The following GLCCI1 variants were observed in gnomAD, a reference collection of about 807,000 sequenced individuals.
GLCCI1 encodes the protein glucocorticoid induced 1, also known as glucocorticoid-induced transcript 1 protein.
A neutral mutation model predicts 52.2 loss-of-function variants in GLCCI1; 24 were observed. That is an observed-to-expected ratio of 0.46 (90% CI 0.33 to 0.65). The LOEUF (loss-of-function observed/expected upper bound fraction) is 0.65, where lower values mean the gene tolerates loss of function less well. Among genes scored for constraint, GLCCI1 ranks in the 30% least tolerant of loss-of-function variants. The probability of loss-of-function intolerance (pLI) is 0.02; values close to 1 mark genes in which losing one functional copy is unlikely to be tolerated. For missense variants in GLCCI1, 704 were observed against 701.5 expected, an observed-to-expected ratio of 1.00 and a Z score of -0.04; for synonymous variants, 310 against 276.5, an observed-to-expected ratio of 1.12 and a Z score of -1.20.
At chr7:8,022,684 A>AG in intron 3 of GLCCI1, 115 bp downstream of exon 3, 1 of 445,508 alleles carries the variant, frequency 2.2e-6, no homozygotes, top group Non-Finnish European at 3.8e-6. Context: ...TCTTTCAGTA[A>AG]GGTTAGGACA....
At position 8,086,186 on chromosome 7, in the gene GLCCI1, G is replaced by C. The variant is rs1350537875; in HGVS notation, c.1299-7G>C. 6.3e-7 allele frequency: 1 copy of C among 1,598,258 alleles called. No individual in the cohort carries two copies. The highest frequency in any genetic ancestry group is 8.5e-7 in the Non-Finnish European group (1 of 1,174,208). On this transcript the variant is annotated splice_polypyrimidine_tract_variant and splice_region_variant and intron_variant, in intron 7 of 7. Transcript: ENST00000223145. This position sits in a 1 kb window ranked among gnomAD's most constrained non-coding sequence, Gnocchi z 4.4. Reference sequence around the variant, plus strand: ...ATTATAAATCTAATTTTGTTTTATGGTTTTAGGTCTCGTCAGCCTATCTCG... The same window carrying C: ...ATTATAAATCTAATTTTGTTTTATGCTTTTAGGTCTCGTCAGCCTATCTCG...
At chr7:8,057,836 T>C (rs1242224603) in intron 4 of GLCCI1, among the ~76,000 whole-genome samples, 1 of 152,124 alleles carries the variant, frequency 6.6e-6, no homozygotes, top group African/African-American at 2.4e-5. Context: ...GCTTACACAA[T>C]TGTTCAAATT....
intron 5 of GLCCI1, among the ~76,000 whole-genome samples, chr7:8,064,643 A>C (rs1281042905): frequency 6.6e-6 from 1 of 152,170 alleles, no homozygotes; most frequent in African/African-American, 2.4e-5. Context: ...GAGGAACATC[A>C]TTGGAAGTTT....
At chr7:8,084,330 A>G (rs1334199640) in intron 6 of GLCCI1, among the ~76,000 whole-genome samples, 7 of 152,236 alleles carry the variant, frequency 4.6e-5, no homozygotes, top group Non-Finnish European at 1.0e-4. Context: ...TATTATAAAC[A>G]TTTTAAAGGT....
chr7:8,061,580 TAA>T (rs1233051374), intron 5 of GLCCI1, among the ~76,000 whole-genome samples: 1 of 151,976 alleles, frequency 6.6e-6, no homozygotes. Context: ...CATTTCATGT[TAA>T]GTTTATAATT....
chr7:8,005,154 G>A (rs1781122734), intron 2 of GLCCI1, among the ~76,000 whole-genome samples: 1 of 152,112 alleles, frequency 6.6e-6, no homozygotes, highest in Admixed American at 6.6e-5. Flanking sequence ...TGTGGGCCTG[G>A]ACAGTTAGAG....
Position 8,021,027 on chromosome 7 carries a change from C to CT in GLCCI1, c.610-1455dup, listed in dbSNP as rs369926649. On this transcript the variant is annotated intron_variant, in intron 2 of 7. Coordinates refer to ENST00000223145, the MANE Select transcript of GLCCI1 (RefSeq NM_138426.4). ...TGCTGATTGAATAAAGTATTTTACT[C>CT]TGTCAATTGACTTAAAAACTTCTTT... Among the ~76,000 whole-genome samples, 72 of 152,286 alleles carry CT rather than the reference C, an allele frequency of 4.7e-4. 1 individual carries two copies. Among genetic ancestry groups the CT allele is most frequent in the African/African-American group, 1.7e-3 (70 of 41,582 alleles).
chr7:7,990,713 G>A (rs1780823465), intron 1 of GLCCI1, among the ~76,000 whole-genome samples: 1 of 152,004 alleles, frequency 6.6e-6, no homozygotes, highest in African/African-American at 2.4e-5. Flanking sequence ...TGGCCTTTCC[G>A]ACTTTATGAA....
chr7:8,060,588 G>C (rs1031553629), intron 5 of GLCCI1, among the ~76,000 whole-genome samples: 1 of 152,154 alleles, frequency 6.6e-6, no homozygotes, highest in Non-Finnish European at 1.5e-5. Flanking sequence ...CATACAACGT[G>C]GCCTTCTTAA....
intron 5 of GLCCI1, chr7:8,070,693 T>C (rs1782742260): frequency 6.3e-6 from 3 of 478,194 alleles, no homozygotes; most frequent in Non-Finnish European, 1.1e-5. Flanking sequence ...GTACATACAG[T>C]GAGCTATGGA....
At position 7,969,308 on chromosome 7, in the gene GLCCI1, G is replaced by C. The variant is rs1780283838; in HGVS notation, c.-43G>C. 2.3e-6 allele frequency: 3 copies of C among 1,305,864 alleles called. No homozygotes were observed. The highest frequency in any genetic ancestry group is 3.0e-6 in the Non-Finnish European group (3 of 1,012,738). The allele number at this position is 1,305,864 out of a possible 1,614,324, so 80.9% of individuals were successfully genotyped here. A position where few individuals can be genotyped will look rare whatever the true frequency, so the allele number is the denominator to read the frequency against. The stretch of plus-strand genomic sequence containing the variant: ...CACGCTCGCGCGCCTCCCGCCCCGC[G>C]CCTCCGTGTCGGCCGGCGGCGTCCA... On this transcript the variant is annotated 5_prime_UTR_variant, in exon 1 of 8. Transcript: ENST00000223145. This position sits in a 1 kb window ranked among gnomAD's most constrained non-coding sequence, Gnocchi z 4.9.
In GLCCI1 at chr7:7,981,264, TTTTC is replaced by T. The variant is rs528707062; in HGVS notation, c.457+11475_457+11478del. The T allele has an allele frequency of 2.3e-3, 567 of 246,528 alleles. 3 individuals are homozygous for T. The highest frequency in any genetic ancestry group is 8.4e-3 in the African/African-American group (351 of 41,604). 15.3% of individuals were successfully genotyped at this position (246,528 alleles called of 1,614,324 possible). The stretch of plus-strand genomic sequence containing the variant: ...TTTCTTTCTTTCTTTCTTTCTCTTT[TTTTC>T]TTTCTTTCTTTCTTTCTCTCTCCCT... On this transcript the variant is annotated intron_variant, in intron 1 of 7. Coordinates refer to ENST00000223145, the MANE Select transcript of GLCCI1 (RefSeq NM_138426.4).
chr7:8,043,254 A>T (rs1236717065), intron 3 of GLCCI1, among the ~76,000 whole-genome samples: 1 of 151,592 alleles, frequency 6.6e-6, no homozygotes, highest in East Asian at 1.9e-4. Context: ...TCATTGCTAT[A>T]TTTTTTATTT....
At chr7:8,055,106 ATAT>A (rs1174366156) in intron 3 of GLCCI1, among the ~76,000 whole-genome samples, 3 of 152,160 alleles carry the variant, frequency 2.0e-5, no homozygotes, top group Admixed American at 1.3e-4. Flanking sequence ...GGCATTTGAA[ATAT>A]TATTTTTCAT....
At chr7:8,050,314 TAAAGAA>T (rs2127957448) in intron 3 of GLCCI1, among the ~76,000 whole-genome samples, 2 of 152,282 alleles carry the variant, frequency 1.3e-5, no homozygotes, top group East Asian at 3.9e-4. Context: ...ACTGACACTT[TAAAGAA>T]AAACAGGAAA....
chr7:8,000,965 A>G (rs1450746904), intron 1 of GLCCI1, among the ~76,000 whole-genome samples: 1 of 152,164 alleles, frequency 6.6e-6, no homozygotes, highest in Non-Finnish European at 1.5e-5. Context: ...TGAATACAGC[A>G]CACTAATGGG....
rs201667698 is a variant in GLCCI1, at chr7:7,985,771, C to T, written c.457+15964C>T. Among the ~76,000 whole-genome samples, 3 of 152,144 alleles carry T rather than the reference C, an allele frequency of 2.0e-5. No individual in the cohort carries two copies. The East Asian group carries it at 5.8e-4, about 29-fold the overall frequency. The stretch of plus-strand genomic sequence containing the variant: ...TAGATATAAATCCTTTCTTCTGAAT[C>T]ATATAATATAGTTTTAGAATGGCAA... On this transcript the variant is annotated intron_variant, in intron 1 of 7. Transcript: ENST00000223145.
At chr7:7,990,865 G>C (rs557120090) in intron 1 of GLCCI1, among the ~76,000 whole-genome samples, 2 of 152,038 alleles carry the variant, frequency 1.3e-5, no homozygotes, top group South Asian at 4.1e-4. Context: ...GTTTATTCTG[G>C]GTTTACTCTA....
In GLCCI1 at chr7:8,070,953, A is replaced by G. The variant is rs2127964568; in HGVS notation, c.999A>G (p.Pro333=). 6.2e-7 allele frequency: 1 copy of G among 1,614,152 alleles called. No individual in the cohort carries two copies. The highest frequency in any genetic ancestry group is 2.2e-5 in the East Asian group (1 of 44,880). The change falls in exon 6 of 8, where the codon CCA becomes CCG. Residue 333 remains proline (P), a synonymous_variant. Transcript: ENST00000223145. ...PLDIPDGRRA[P]LPAHYRSSST... ...ACATACCAGATGGTCGAAGAGCTCCACTTCCTGCTCATTACCGGAGCAGTA... is the reference window on the plus strand; with the variant it reads ...ACATACCAGATGGTCGAAGAGCTCCGCTTCCTGCTCATTACCGGAGCAGTA...
Sources: allele counts gnomAD v4.1 joint callset (sites outside exome capture counted in the v4.1 genomes callset), GRCh38; gene constraint gnomAD v4.1.1; non-coding constraint Gnocchi (gnomAD v3.1); transcripts MANE v1.5; gene names NCBI Gene and HGNC (gene_info 2026-07-23, HGNC 2026-07-21).